The following AGAP1 variants were observed in gnomAD, a reference collection of about 807,000 sequenced individuals.
AGAP1 encodes arf-GAP with GTPase, ANK repeat and PH domain-containing protein 1.
In AGAP1, 29 loss-of-function variants were observed where a neutral mutation model predicts 105.3. The observed-to-expected ratio is 0.28, with a 90% CI of 0.21 to 0.38. The LOEUF is 0.38. Ranked by LOEUF, AGAP1 falls within the 10% of genes least tolerant of loss-of-function variation. The pLI is 1.00. For synonymous variants in AGAP1, 509 were observed against 485.9 expected, an observed-to-expected ratio of 1.05 and a Z score of -0.63; for missense variants, 998 against 1,165.1, an observed-to-expected ratio of 0.86 and a Z score of 2.09.
At chr2:235,742,598 A>G (rs1181715670) in intron 4 of AGAP1, among the ~76,000 whole-genome samples, 1 of 152,152 alleles carries the variant, frequency 6.6e-6, no homozygotes, top group African/African-American at 2.4e-5. Context: ...ATAGGATCCT[A>G]TCAGTCAGAT....
intron 9 of AGAP1, among the ~76,000 whole-genome samples, chr2:235,871,587 T>C (rs1037561844): frequency 2.0e-5 from 3 of 152,218 alleles, no homozygotes; most frequent in African/African-American, 7.2e-5. Flanking sequence ...CACTGCCATG[T>C]GTTTTTGATT....
At chr2:235,834,482 G>A (rs904212598) in intron 9 of AGAP1, among the ~76,000 whole-genome samples, 1 of 152,182 alleles carries the variant, frequency 6.6e-6, no homozygotes, top group Admixed American at 6.5e-5. Flanking sequence ...CACAGAGCCC[G>A]GTCTGTGAGC....
chr2:235,592,409 G>T (rs978758567), intron 1 of AGAP1, among the ~76,000 whole-genome samples: 4 of 152,028 alleles, frequency 2.6e-5, no homozygotes, highest in Non-Finnish European at 5.9e-5. Flanking sequence ...GTTCTGGGGG[G>T]CAGTGAGCAG....
chr2:235,952,994 C>T (rs1371716686), intron 12 of AGAP1, among the ~76,000 whole-genome samples: 2 of 152,186 alleles, frequency 1.3e-5, no homozygotes, highest in Admixed American at 6.5e-5. Flanking sequence ...GGCGGAAGGA[C>T]CCATACAGCC....
chr2:235,807,429 T>G, intron 9 of AGAP1, 98 bp downstream of exon 9: 1 of 1,069,118 alleles, frequency 9.4e-7, no homozygotes, highest in Non-Finnish European at 1.3e-6. Context: ...CTGTCTGATG[T>G]GCTCTGTTGA....
At chr2:235,809,206 C>T (rs1258155335) in intron 9 of AGAP1, among the ~76,000 whole-genome samples, 1 of 152,036 alleles carries the variant, frequency 6.6e-6, no homozygotes, top group East Asian at 1.9e-4. Flanking sequence ...TGTACCTGCT[C>T]ATCTGTGGAG....
chr2:235,680,933 T>A (rs1221195997), intron 1 of AGAP1, among the ~76,000 whole-genome samples: 1 of 152,090 alleles, frequency 6.6e-6, no homozygotes, highest in Non-Finnish European at 1.5e-5. Flanking sequence ...CAGCTGCAGC[T>A]CAGGATGCAG....
intron 17 of AGAP1, among the ~76,000 whole-genome samples, chr2:236,122,827 A>G (rs2059932606): frequency 6.6e-6 from 1 of 151,490 alleles, no homozygotes; most frequent in Non-Finnish European, 1.5e-5. Flanking sequence ...TGGGATTACA[A>G]GCGTACACCA....
chr2:235,836,813 A>G (rs1960218327), intron 9 of AGAP1, among the ~76,000 whole-genome samples: 1 of 152,214 alleles, frequency 6.6e-6, no homozygotes, highest in Non-Finnish European at 1.5e-5. Flanking sequence ...ATAGAGAACT[A>G]TGACCCAGGC....
chr2:235,742,111 C>T (rs184301860), intron 4 of AGAP1, among the ~76,000 whole-genome samples: 196 of 152,288 alleles, frequency 1.3e-3, no homozygotes, highest in African/African-American at 4.5e-3. Flanking sequence ...CAAATGCAAA[C>T]GGAATGTCAG....
intron 1 of AGAP1, among the ~76,000 whole-genome samples, chr2:235,593,647 A>C (rs1372109592): frequency 6.6e-6 from 1 of 152,140 alleles, no homozygotes; most frequent in East Asian, 1.9e-4. Context: ...ATGTGTATTC[A>C]AATCGTGTAG....
rs1319710455 is a variant in AGAP1, at chr2:236,104,578, C to A, written c.2115-15614C>A. Among the ~76,000 whole-genome samples, 4 of 152,190 alleles carry A rather than the reference C, an allele frequency of 2.6e-5. No individual in the cohort carries two copies. Among genetic ancestry groups the A allele is most frequent in the Non-Finnish European group, 5.9e-5 (4 of 68,040 alleles). On this transcript the variant is annotated intron_variant, in intron 16 of 17. Transcript: ENST00000304032. The surrounding 1 kb of genome is among the most constrained non-coding windows in gnomAD (Gnocchi z 4.7). Reference sequence around the variant, plus strand: ...ACAGCCCTCTGGCCTCTTAGAGAATCCAACTTGGGTTACAAAGACAAGCGT... The same window carrying A: ...ACAGCCCTCTGGCCTCTTAGAGAATACAACTTGGGTTACAAAGACAAGCGT...
chr2:235,742,948 C>G (rs945689968), intron 4 of AGAP1, among the ~76,000 whole-genome samples: 2 of 152,188 alleles, frequency 1.3e-5, no homozygotes, highest in African/African-American at 4.8e-5. Flanking sequence ...AGGCAGATCA[C>G]CTGAGGTCGG....
chr2:235,932,710 T>C (rs1234877880), intron 12 of AGAP1, among the ~76,000 whole-genome samples: 1 of 152,222 alleles, frequency 6.6e-6, no homozygotes, highest in Admixed American at 6.5e-5. Context: ...ACTTACCTGT[T>C]TGATAAAAAC....
rs1367677281 is a variant in AGAP1 at position 235,612,664 on chromosome 2, TC to T, written c.164-96513del. ...GTTCACGTGTACCAAACTTGGGAAA[TC>T]CTGACCAGCGCATCCAGGGTTGCTT... is the stretch of plus-strand genomic sequence containing the variant. On this transcript the variant is annotated intron_variant, in intron 1 of 17. Coordinates refer to ENST00000304032, the MANE Select transcript of AGAP1 (RefSeq NM_001037131.3). The surrounding 1 kb of genome is among the most constrained non-coding windows in gnomAD (Gnocchi z 4.3). Among the ~76,000 whole-genome samples, 1 of 152,302 alleles carries T rather than the reference TC, an allele frequency of 6.6e-6. No individual in the cohort carries two copies. Among genetic ancestry groups the T allele is most frequent in the East Asian group, 1.9e-4 (1 of 5,176 alleles).
chr2:235,714,684 T>G lies in AGAP1; in HGVS notation c.223-2873T>G, dbSNP rs973631597. Among the ~76,000 whole-genome samples, 2 of 152,148 alleles carry G rather than the reference T, an allele frequency of 1.3e-5. No individual in the cohort carries two copies. Among genetic ancestry groups the G allele is most frequent in the African/African-American group, 4.8e-5 (2 of 41,440 alleles). The stretch of plus-strand genomic sequence containing the variant: ...GGGTGACAGAGAACATTTGGATCCA[T>G]GAGCCATCACTCAGACAGCAGACCA... On this transcript the variant is annotated intron_variant, in intron 2 of 17. Transcript: ENST00000304032. This position sits in a 1 kb window ranked among gnomAD's most constrained non-coding sequence, Gnocchi z 4.1.
Position 235,977,492 on chromosome 2 carries a change from G to A in AGAP1, c.1645+8869G>A, listed in dbSNP as rs187715250. Among the ~76,000 whole-genome samples the A allele has an allele frequency of 2.4e-4, 36 of 152,256 alleles. No homozygotes were observed. The East Asian group carries it at 6.8e-3, about 29-fold the overall frequency. On this transcript the variant is annotated intron_variant, in intron 13 of 17. Transcript: ENST00000304032. The surrounding 1 kb of genome is among the most constrained non-coding windows in gnomAD (Gnocchi z 5.2). ...AAAGTACAGGGATACAGATTGAAAT[G>A]TTCAGCAGCAAGGTATGAGAGGTCC...
intron 8 of AGAP1, among the ~76,000 whole-genome samples, chr2:235,804,137 C>T (rs1405533150): frequency 2.0e-5 from 3 of 152,200 alleles, no homozygotes; most frequent in African/African-American, 4.8e-5. Context: ...CTCCAGAACA[C>T]GTTTCTCCTG....
chr2:235,657,633 C>T (rs1362069072), intron 1 of AGAP1, among the ~76,000 whole-genome samples: 1 of 152,196 alleles, frequency 6.6e-6, no homozygotes, highest in Non-Finnish European at 1.5e-5. Flanking sequence ...CCATCCGCCT[C>T]GGCCTCCCAA....
Sources: gnomAD v4.1 joint callset for allele counts (sites outside exome capture counted in the v4.1 genomes callset) on GRCh38, gnomAD v4.1.1 for gene constraint, Gnocchi (gnomAD v3.1) non-coding constraint, MANE v1.5 for transcripts, NCBI Gene and HGNC (gene_info 2026-07-23, HGNC 2026-07-21) for gene names.